Variants in FARSB observed in about 807,000 individuals in gnomAD.
The protein encoded by FARSB is phenylalanyl-tRNA synthetase subunit beta.
A neutral mutation model predicts 69.6 loss-of-function variants in FARSB; 40 were observed. The ratio of observed to expected loss-of-function variants is 0.57; its 90% CI spans 0.45 to 0.75. FARSB has a LOEUF of 0.75. Among genes scored for constraint, FARSB ranks in the 30% least tolerant of loss-of-function variants. The pLI is 0.00. For missense variants in FARSB, 632 were observed against 722.9 expected, an observed-to-expected ratio of 0.87 and a Z score of 1.44; for synonymous variants, 235 against 247.2, an observed-to-expected ratio of 0.95 and a Z score of 0.46.
intron 16 of FARSB, among the ~76,000 whole-genome samples, chr2:222,599,541 A>G (rs1459464253): frequency 6.6e-6 from 1 of 152,160 alleles, no homozygotes; most frequent in Non-Finnish European, 1.5e-5. Context: ...TTTGTCTTAA[A>G]GCCATCAGAC....
chr2:222,634,060 T>C (rs1183412462), intron 6 of FARSB, among the ~76,000 whole-genome samples: 1 of 152,198 alleles, frequency 6.6e-6, no homozygotes, highest in Non-Finnish European at 1.5e-5. Context: ...CTTGTAACAG[T>C]ATTTCCCACA....
intron 4 of FARSB, 136 bp downstream of exon 4, chr2:222,640,726 A>G (rs1354221160): frequency 7.1e-6 from 4 of 567,342 alleles, no homozygotes; most frequent in Non-Finnish European, 1.3e-5. Flanking sequence ...ACTGCATTCC[A>G]GTCTGGGCAA....
intron 16 of FARSB, among the ~76,000 whole-genome samples, chr2:222,597,634 T>A (rs906811043): frequency 6.6e-6 from 1 of 152,158 alleles, no homozygotes; most frequent in African/African-American, 2.4e-5. Flanking sequence ...AAGTTCCAAG[T>A]GGCACTATCA....
chr2:222,603,506 A>T (rs1690617581), intron 15 of FARSB, among the ~76,000 whole-genome samples: 1 of 151,788 alleles, frequency 6.6e-6, no homozygotes, highest in African/African-American at 2.4e-5. Context: ...CTATCTGTCA[A>T]TTTATCTATA....
intron 16 of FARSB, among the ~76,000 whole-genome samples, chr2:222,578,695 T>C (rs1451485457): frequency 2.7e-5 from 4 of 147,894 alleles, no homozygotes; most frequent in African/African-American, 1.0e-4. Context: ...AAAAATTAGC[T>C]GGGGCCGGGC....
rs2106169897 is a variant in FARSB, at chr2:222,570,542, T to G, written c.*1329A>C. 1 of 151,456 alleles carries G rather than the reference T, an allele frequency of 6.6e-6. No individual in the cohort carries two copies. The highest frequency in any genetic ancestry group is 6.6e-5 in the Admixed American group (1 of 15,186). The allele number at this position is 151,456 out of a possible 1,614,324, so 9.4% of individuals were successfully genotyped here. The stretch of plus-strand genomic sequence containing the variant: ...AGCTACTTCTTCTTTTTTTTTTTTG[T>G]AGACAGAATCTCACTCTGTCACCCA... On this transcript the variant is annotated 3_prime_UTR_variant, in exon 17 of 17. Coordinates refer to ENST00000281828, the MANE Select transcript of FARSB (RefSeq NM_005687.5).
intron 2 of FARSB, among the ~76,000 whole-genome samples, chr2:222,644,971 T>C (rs867525935): frequency 7.2e-6 from 1 of 139,360 alleles, no homozygotes; most frequent in Non-Finnish European, 1.6e-5. Context: ...TAAAAAAAGA[T>C]CTAATTCCTT....
At chr2:222,607,935 G>A (rs948087255) in intron 15 of FARSB, among the ~76,000 whole-genome samples, 2 of 151,726 alleles carry the variant, frequency 1.3e-5, no homozygotes, top group African/African-American at 4.8e-5. Flanking sequence ...TTTAGTTAAT[G>A]TAAACCTGGA....
Position 222,623,734 on chromosome 2 carries a change from A to G in FARSB, c.1171-4T>C, listed in dbSNP as rs111567015. 1.9e-3 allele frequency: 2,994 copies of G among 1,553,740 alleles called. 50 individuals are homozygous for G. In the African/African-American group the frequency reaches 0.037, roughly 19 times the overall value. On this transcript the variant is annotated splice_region_variant and splice_polypyrimidine_tract_variant and intron_variant, in intron 12 of 16. Transcript: ENST00000281828. The stretch of plus-strand genomic sequence containing the variant: ...CAGTGAGCTTATTAAGAGGAAACTG[A>G]AAAAAAAAGCATCCACTTGATTTCA...
At chr2:222,579,820 C>A (rs13427378) in intron 16 of FARSB, among the ~76,000 whole-genome samples, 2 of 152,208 alleles carry the variant, frequency 1.3e-5, no homozygotes, top group African/African-American at 4.8e-5. Flanking sequence ...ACAGATAGAC[C>A]TAAGATCTAC....
At position 222,631,645 on chromosome 2, in the gene FARSB, T is replaced by C. The variant is rs1559210823; in HGVS notation, c.745A>G (p.Arg249Gly). ...CCCGTGCATTCAATAAAAATATTTC[T>C]AGTATTTACTGTTATTCTGGAATGA... Reference protein sequence around the residue: ...GDHSRITVNTRNIFIECTGTD... With the variant: ...GDHSRITVNTGNIFIECTGTD... The change falls in exon 8 of 17, where the codon AGA becomes GGA. Residue 249 changes from arginine to glycine, a missense_variant. Transcript: ENST00000281828. 3 of 1,567,468 alleles carry C rather than the reference T, an allele frequency of 1.9e-6. No homozygotes were observed. The highest frequency in any genetic ancestry group is 1.1e-5 in the South Asian group (1 of 89,808).
At chr2:222,655,842 C>T (rs1016794508) in intron 1 of FARSB, among the ~76,000 whole-genome samples, 174 bp downstream of exon 1, 2 of 152,262 alleles carry the variant, frequency 1.3e-5, no homozygotes, top group Non-Finnish European at 2.9e-5. Flanking sequence ...ATGCCGGTTC[C>T]GAGGCTACCA....
intron 6 of FARSB, among the ~76,000 whole-genome samples, chr2:222,633,986 C>T (rs1005855717): frequency 6.6e-6 from 1 of 152,174 alleles, no homozygotes; most frequent in Non-Finnish European, 1.5e-5. Context: ...TTATTAAATA[C>T]AATTCAAAGT....
rs1320829720 is a variant in FARSB, at chr2:222,619,637, A to G, written c.1344+8T>C. ...TTACATGAATTCTCACCTACTTAAA[A>G]TTCTTACCTGAAATTCAGCTGTTTT... On this transcript the variant is annotated splice_region_variant and intron_variant, in intron 14 of 16. Coordinates refer to ENST00000281828, the MANE Select transcript of FARSB (RefSeq NM_005687.5). 6.7e-7 allele frequency: 1 copy of G among 1,484,852 alleles called. No individual in the cohort carries two copies. Among genetic ancestry groups the G allele is most frequent in the African/African-American group, 1.4e-5 (1 of 72,554 alleles). 92.0% of individuals were successfully genotyped at this position (1,484,852 alleles called of 1,614,324 possible).
chr2:222,599,429 C>T (rs766695835), intron 16 of FARSB, among the ~76,000 whole-genome samples: 6 of 152,212 alleles, frequency 3.9e-5, no homozygotes, highest in African/African-American at 4.8e-5. Context: ...ATTTTATACA[C>T]GAGGATTCCC....
At chr2:222,588,843 G>A (rs1213914443) in intron 16 of FARSB, among the ~76,000 whole-genome samples, 42 of 152,134 alleles carry the variant, frequency 2.8e-4, no homozygotes, top group Admixed American at 2.7e-3. Context: ...ACAAACCACT[G>A]TTCAAGGAAA....
At chr2:222,638,157 A>G (rs943937733) in intron 5 of FARSB, among the ~76,000 whole-genome samples, 23 of 152,258 alleles carry the variant, frequency 1.5e-4, no homozygotes, top group African/African-American at 5.1e-4. Flanking sequence ...TAAATTTAAT[A>G]ACTTAGACAA....
chr2:222,610,415 G>A (rs970742138), intron 15 of FARSB, among the ~76,000 whole-genome samples: 3 of 151,554 alleles, frequency 2.0e-5, no homozygotes, highest in African/African-American at 7.3e-5. Flanking sequence ...AGTAGGTGAC[G>A]AATTACTCAA....
At chr2:222,633,337 GTT>G (rs76757037) in intron 6 of FARSB, 30 bp from the exon 7 acceptor site, 7 of 883,158 alleles carry the variant, frequency 7.9e-6, no homozygotes, top group East Asian at 3.0e-5. Flanking sequence ...AATAAAATTA[GTT>G]TTTTTTTTTA....
Sources: allele counts gnomAD v4.1 joint callset (sites outside exome capture counted in the v4.1 genomes callset), GRCh38; gene constraint gnomAD v4.1.1; transcripts MANE v1.5; gene names NCBI Gene and HGNC (gene_info 2026-07-23, HGNC 2026-07-21).